SLC44A4: variants seen among roughly 807,000 people sequenced by gnomAD.
SLC44A4 encodes choline transporter-like protein 4.
Under a neutral mutation model 97.0 loss-of-function variants are expected in SLC44A4, and 74 were observed. The ratio of observed to expected loss-of-function variants is 0.76; its 90% CI spans 0.63 to 0.93. The LOEUF (loss-of-function observed/expected upper bound fraction) is 0.93. Among genes scored for constraint, SLC44A4 ranks in the 40% least tolerant of loss-of-function variants. The probability of loss-of-function intolerance (pLI) is 0.00; values close to 1 mark genes in which losing one functional copy is unlikely to be tolerated. For synonymous variants in SLC44A4, 325 were observed against 363.8 expected (o/e 0.89, Z 1.21); for missense variants, 799 against 902.9 (o/e 0.88, Z 1.48).
chr6:31,864,668 C>G lies in SLC44A4; in HGVS notation c.1995G>C (p.Thr665=). ...FFSVFGMCVD[T]LFLCFLEDLE... ...GTCACTCACGGAAGCAGAGGAAGAGCGTGTCCACACACATGCCGAAAACGC... is the reference window on the plus strand; with the variant it reads ...GTCACTCACGGAAGCAGAGGAAGAGGGTGTCCACACACATGCCGAAAACGC... Residue 665 remains threonine (T), a synonymous_variant, in exon 20 of 21, where the codon ACG becomes ACC. Coordinates refer to ENST00000229729, the MANE Select transcript of SLC44A4 (RefSeq NM_025257.3). The G allele has an allele frequency of 1.9e-6, 3 of 1,613,780 alleles. No individual in the cohort carries two copies. The highest frequency in any genetic ancestry group is 2.2e-5 in the East Asian group (1 of 44,876).
chr6:31,865,201 G>A lies in SLC44A4; in HGVS notation c.1760+114C>T. 3 of 1,522,630 alleles carry A rather than the reference G, an allele frequency of 2.0e-6. No homozygotes were observed. Among genetic ancestry groups the A allele is most frequent in the Non-Finnish European group, 2.7e-6 (3 of 1,097,176 alleles). 94.3% of individuals were successfully genotyped at this position (1,522,630 alleles called of 1,614,324 possible). On this transcript the variant is annotated intron_variant, in intron 17 of 20. Transcript: ENST00000229729. This position sits in a 1 kb window ranked among gnomAD's most constrained non-coding sequence, Gnocchi z 5.2. ...AATTGTTCACGTTTCAAGATGGCAAGAGCAGAGCACTAAACTAAGTCTAGG... is the reference window on the plus strand; with the variant it reads ...AATTGTTCACGTTTCAAGATGGCAAAAGCAGAGCACTAAACTAAGTCTAGG...
At chr6:31,872,885 A>ATTTTTTTTTTTTTTTTTTTTTTTTTTTT (rs9281618) in intron 7 of SLC44A4, among the ~76,000 whole-genome samples, 1 of 143,390 alleles carries the variant, frequency 7.0e-6, no homozygotes, top group Non-Finnish European at 1.5e-5. Context: ...AAATTGTCTA[A>ATTTTTTTTTTTTTTTTTTTTTTTTTTTT]TTTTTTTTTT....
Position 31,865,676 on chromosome 6 carries a change from G to T in SLC44A4, c.1582+14C>A. On this transcript the variant is annotated intron_variant, in intron 15 of 20. Coordinates refer to ENST00000229729, the MANE Select transcript of SLC44A4 (RefSeq NM_025257.3). This position sits in a 1 kb window ranked among gnomAD's most constrained non-coding sequence, Gnocchi z 5.2. Reference sequence around the variant, plus strand: ...TTCCCCAGCTCCTGACTCCTACTCCGACTCCAGACTCACCTCTGAGCTTGT... The same window carrying T: ...TTCCCCAGCTCCTGACTCCTACTCCTACTCCAGACTCACCTCTGAGCTTGT... 6.2e-7 allele frequency: 1 copy of T among 1,612,908 alleles called. No homozygotes were observed. The highest frequency in any genetic ancestry group is 1.3e-5 in the African/African-American group (1 of 75,008).
rs144334155 is a variant in SLC44A4 at position 31,866,463 on chromosome 6, A to G, written c.1234-337T>C. Among the ~76,000 whole-genome samples the G allele has an allele frequency of 7.5e-3, 1,146 of 152,286 alleles. 20 individuals are homozygous for G. Among genetic ancestry groups the G allele is most frequent in the African/African-American group, 0.026 (1,086 of 41,542 alleles). On this transcript the variant is annotated intron_variant, in intron 13 of 20. Coordinates refer to ENST00000229729, the MANE Select transcript of SLC44A4 (RefSeq NM_025257.3). ...GGGTATTTGATGATATTAAGGAATT[A>G]TTGTTAATTTTGTGAGATGTGATAA...
chr6:31,874,275 C>T lies in SLC44A4; in HGVS notation c.529+185G>A, dbSNP rs985656951. ...CCCCAGCACCTGGCACATAGTAGGT[C>T]CCCAAAACACTGATGGTCTGACTGC... is the stretch of plus-strand genomic sequence containing the variant. On this transcript the variant is annotated intron_variant, in intron 7 of 20. Coordinates refer to ENST00000229729, the MANE Select transcript of SLC44A4 (RefSeq NM_025257.3). This position sits in a 1 kb window ranked among gnomAD's most constrained non-coding sequence, Gnocchi z 4.8. Among the ~76,000 whole-genome samples the T allele has an allele frequency of 6.6e-6, 1 of 152,168 alleles. No homozygotes were observed. Among genetic ancestry groups the T allele is most frequent in the Admixed American group, 6.5e-5 (1 of 15,270 alleles).
Position 31,877,416 on chromosome 6 carries a change from T to G in SLC44A4, c.41-334A>C. On this transcript the variant is annotated intron_variant, in intron 1 of 20. Coordinates refer to ENST00000229729, the MANE Select transcript of SLC44A4 (RefSeq NM_025257.3). The surrounding 1 kb of genome is among the most constrained non-coding windows in gnomAD (Gnocchi z 6.5). The stretch of plus-strand genomic sequence containing the variant: ...GGCACGGTTCTCCTGAGTCTCCCTT[T>G]AGCTGGGATGTGGGACTCCCAGTGG... 2.8e-6 allele frequency: 1 copy of G among 362,180 alleles called. No homozygotes were observed. Among genetic ancestry groups the G allele is most frequent in the Non-Finnish European group, 4.8e-6 (1 of 206,816 alleles). 22.4% of individuals were successfully genotyped at this position (362,180 alleles called of 1,614,324 possible). A position where few individuals can be genotyped will look rare whatever the true frequency, so the allele number is the denominator to read the frequency against.
At chr6:31,869,721 C>T (rs1763051513) in intron 11 of SLC44A4, 84 bp from the exon 12 acceptor site, 1 of 1,037,778 alleles carries the variant, frequency 9.6e-7, no homozygotes. Context: ...CGCAGTGGCT[C>T]ACGCCTGTAA....
chr6:31,869,351 T>G, intron 12 of SLC44A4, 94 bp from the exon 13 acceptor site: 2 of 1,069,468 alleles, frequency 1.9e-6, no homozygotes, highest in Non-Finnish European at 2.7e-6. Context: ...GCAGATCGTT[T>G]GCTGCACAGA....
intron 13 of SLC44A4, 84 bp downstream of exon 13, chr6:31,869,071 G>A (rs1763005042): frequency 5.2e-6 from 6 of 1,155,812 alleles, no homozygotes; most frequent in Non-Finnish European, 7.3e-6. Flanking sequence ...TGTGGCCTCA[G>A]TCTTCTCTGC....
chr6:31,869,044 A>G (rs925435812), intron 13 of SLC44A4, 111 bp downstream of exon 13: 71 of 839,942 alleles, frequency 8.5e-5, no homozygotes, highest in African/African-American at 7.7e-4. Flanking sequence ...GTGACCTTGC[A>G]CAAGTTTCTT....
In SLC44A4 at chr6:31,869,136, G is replaced by T; in HGVS notation, c.1233+19C>A. The T allele has an allele frequency of 6.3e-7, 1 of 1,586,672 alleles. No homozygotes were observed. Among genetic ancestry groups the T allele is most frequent in the Non-Finnish European group, 8.6e-7 (1 of 1,164,904 alleles). On this transcript the variant is annotated intron_variant, in intron 13 of 20. Coordinates refer to ENST00000229729, the MANE Select transcript of SLC44A4 (RefSeq NM_025257.3). ...TCACCCCTACTAGTCCCGCCTCCAT[G>T]TCCCCTGCTTCCTCTTACCGTGGGG...
chr6:31,870,044 C>T (rs982169041), intron 11 of SLC44A4, among the ~76,000 whole-genome samples: 35 of 152,148 alleles, frequency 2.3e-4, no homozygotes, highest in Non-Finnish European at 4.4e-5. Context: ...CCCCACTCCC[C>T]CAGGGTGGGA....
intron 11 of SLC44A4, among the ~76,000 whole-genome samples, chr6:31,870,247 C>T (rs188075226): frequency 4.6e-5 from 7 of 152,228 alleles, no homozygotes; most frequent in Non-Finnish European, 8.8e-5. Flanking sequence ...CACCCCCAAG[C>T]GTGATCCCTT....
Position 31,870,922 on chromosome 6 carries a change from C to T in SLC44A4, c.827G>A (p.Cys276Tyr), listed in dbSNP as rs769185379. 6.2e-7 allele frequency: 1 copy of T among 1,613,054 alleles called. No homozygotes were observed. The change falls in exon 10 of 21, where the codon TGC (cysteine) becomes TAC (tyrosine). Residue 276 changes from cysteine (C) to tyrosine (Y), a missense_variant. Cys to Tyr is a radical substitution (Grantham distance 194). Around this residue, in one of 3 missense-constraint regions of SLC44A4, gnomAD observed 409 missense variants for 434.1 expected, o/e 0.94. Coordinates refer to ENST00000229729, the MANE Select transcript of SLC44A4 (RefSeq NM_025257.3). ...LGVLAYGIYY[C>Y]WEEYRVLRDK... Reference sequence around the variant, plus strand: ...CCGCAGCACTCGGTACTCCTCCCAGCAGTAGTAGATGCCGTATGCCAGCAC... The same window carrying T: ...CCGCAGCACTCGGTACTCCTCCCAGTAGTAGTAGATGCCGTATGCCAGCAC...
chr6:31,871,190 T>A lies in SLC44A4; in HGVS notation c.701+124A>T, dbSNP rs538966484. 9 of 1,280,264 alleles carry A rather than the reference T, an allele frequency of 7.0e-6. No individual in the cohort carries two copies. In the Admixed American group the frequency reaches 1.1e-4, roughly 15 times the overall value. The allele number at this position is 1,280,264 out of a possible 1,614,324, so 79.3% of individuals were successfully genotyped here. A position where few individuals can be genotyped will look rare whatever the true frequency, so the allele number is the denominator to read the frequency against. On this transcript the variant is annotated intron_variant, in intron 9 of 20. Transcript: ENST00000229729. ...CTTATAAATCCTGTTGGTCTTGGAATCCATTCGGAGCTCTGGCTCCTCCTC... is the reference window on the plus strand; with the variant it reads ...CTTATAAATCCTGTTGGTCTTGGAAACCATTCGGAGCTCTGGCTCCTCCTC...
chr6:31,873,633 T>TA (rs9281619), intron 7 of SLC44A4, among the ~76,000 whole-genome samples: 48,215 of 143,222 alleles, frequency 0.34, 8,262 homozygotes, highest in Middle Eastern at 0.47. Flanking sequence ...CTTCATCTCT[T>TA]AAAAAAAAAA....
intron 13 of SLC44A4, 30 bp from the exon 14 acceptor site, chr6:31,866,156 T>C: frequency 6.2e-7 from 1 of 1,609,402 alleles, no homozygotes. Context: ...TAGAGTAGGC[T>C]CAGGCATCGG....
Position 31,865,216 on chromosome 6 carries a change from C to G in SLC44A4, c.1760+99G>C. Reference sequence around the variant, plus strand: ...AAGATGGCAAGAGCAGAGCACTAAACTAAGTCTAGGGCCCGACTGAGCACA... The same window carrying G: ...AAGATGGCAAGAGCAGAGCACTAAAGTAAGTCTAGGGCCCGACTGAGCACA... On this transcript the variant is annotated intron_variant, in intron 17 of 20. Transcript: ENST00000229729. The surrounding 1 kb of genome is among the most constrained non-coding windows in gnomAD (Gnocchi z 5.2). 6.5e-7 allele frequency: 1 copy of G among 1,542,884 alleles called. No individual in the cohort carries two copies. Among genetic ancestry groups the G allele is most frequent in the East Asian group, 2.2e-5 (1 of 44,540 alleles).
In SLC44A4 at chr6:31,878,889, G is replaced by T; in HGVS notation, c.40+52C>A. On this transcript the variant is annotated intron_variant, in intron 1 of 20. Transcript: ENST00000229729. The surrounding 1 kb of genome is among the most constrained non-coding windows in gnomAD (Gnocchi z 4.0). ...GCCAGCCCCAGACACCATTCCCAAA[G>T]TACCCGTCCTCCCCTCCCTCCACAG... 2 of 1,592,994 alleles carry T rather than the reference G, an allele frequency of 1.3e-6. No individual in the cohort carries two copies. Among genetic ancestry groups the T allele is most frequent in the South Asian group, 1.1e-5 (1 of 90,684 alleles).
Sources: gnomAD v4.1 joint callset for allele counts (sites outside exome capture counted in the v4.1 genomes callset) on GRCh38, gnomAD v4.1.1 for gene constraint, gnomAD v4.1.1 regional missense constraint, Gnocchi (gnomAD v3.1) non-coding constraint, MANE v1.5 for transcripts, NCBI Gene and HGNC (gene_info 2026-07-23, HGNC 2026-07-21) for gene names.